Variants in DLG2 observed in about 807,000 individuals in gnomAD.
The protein encoded by DLG2 is discs large MAGUK scaffold protein 2, also known as disks large homolog 2.
Under a neutral mutation model 132.5 loss-of-function variants are expected in DLG2, and 45 were observed. That is an observed-to-expected ratio of 0.34 (90% CI 0.27 to 0.44). The LOEUF (loss-of-function observed/expected upper bound fraction) is 0.44. Among genes scored for constraint, DLG2 ranks in the 20% least tolerant of loss-of-function variants. DLG2 has a pLI of 1.00. For missense variants in DLG2, 1,045 were observed against 1,196.9 expected, an observed-to-expected ratio of 0.87 and a Z score of 1.87; for synonymous variants, 424 against 419.6, an observed-to-expected ratio of 1.01 and a Z score of -0.13.
chr11:84,752,109 G>C lies in DLG2; in HGVS notation c.358-217378C>G, dbSNP rs190789812. Among the ~76,000 whole-genome samples, 7 of 152,262 alleles carry C rather than the reference G, an allele frequency of 4.6e-5. No individual in the cohort carries two copies. In the East Asian group the frequency reaches 1.2e-3, roughly 25 times the overall value. ...AGTGAAAAGGCCATCTTATGTCGTG[G>C]AGAAAACATGGGGTTTAGAATCAGG... is the stretch of plus-strand genomic sequence containing the variant. On this transcript the variant is annotated intron_variant, in intron 6 of 27. Transcript: ENST00000376104.
At chr11:84,120,047 A>T (rs920588150) in intron 9 of DLG2, among the ~76,000 whole-genome samples, 3 of 152,174 alleles carry the variant, frequency 2.0e-5, no homozygotes, top group African/African-American at 7.2e-5. Flanking sequence ...GCCTGAACTA[A>T]TTTCAACTTC....
At position 83,496,578 on chromosome 11, in the gene DLG2, G is replaced by A. The variant is rs145749560; in HGVS notation, c.2194-12350C>T. Among the ~76,000 whole-genome samples, 279 of 152,082 alleles carry A rather than the reference G, an allele frequency of 1.8e-3. 2 individuals carry two copies. Among genetic ancestry groups the A allele is most frequent in the African/African-American group, 6.4e-3 (265 of 41,506 alleles). On this transcript the variant is annotated intron_variant, in intron 21 of 27. Coordinates refer to ENST00000376104, the MANE Select transcript of DLG2 (RefSeq NM_001142699.3). Reference sequence around the variant, plus strand: ...ATCAACAGGTAAATTAATACATTGCGGTATATTCATACAGTGAAATGCTAC... The same window carrying A: ...ATCAACAGGTAAATTAATACATTGCAGTATATTCATACAGTGAAATGCTAC...
chr11:84,957,327 T>C (rs1044461405), intron 6 of DLG2, among the ~76,000 whole-genome samples: 1 of 152,232 alleles, frequency 6.6e-6, no homozygotes, highest in African/African-American at 2.4e-5. Flanking sequence ...TGGTTATAAA[T>C]TGCTTTCATT....
chr11:85,121,532 TTAA>T (rs2074314693), intron 5 of DLG2, among the ~76,000 whole-genome samples: 1 of 152,174 alleles, frequency 6.6e-6, no homozygotes, highest in African/African-American at 2.4e-5. Flanking sequence ...TAGTTTTTGT[TTAA>T]TAAAAAGGTG....
In DLG2 at chr11:84,101,742, T is replaced by G. The variant is rs573798192; in HGVS notation, c.625-2695A>C. 3.9e-5 allele frequency among the ~76,000 whole-genome samples: 6 copies of G among 151,992 alleles called. No individual in the cohort carries two copies. In the South Asian group the frequency reaches 1.0e-3, roughly 26 times the overall value. ...CAAGCTCTAAGTACATCAACTAGAGTATATTGGTCTCACTGTAGTTAGCAT... is the reference window on the plus strand; with the variant it reads ...CAAGCTCTAAGTACATCAACTAGAGGATATTGGTCTCACTGTAGTTAGCAT... On this transcript the variant is annotated intron_variant, in intron 9 of 27. Transcript: ENST00000376104.
intron 6 of DLG2, among the ~76,000 whole-genome samples, chr11:84,759,855 C>A (rs1485598321): frequency 6.6e-6 from 1 of 151,818 alleles, no homozygotes; most frequent in Non-Finnish European, 1.5e-5. Flanking sequence ...ACATAGGGAT[C>A]CTGGTATCTT....
At chr11:84,499,039 T>C (rs940764030) in intron 7 of DLG2, among the ~76,000 whole-genome samples, 3 of 152,204 alleles carry the variant, frequency 2.0e-5, no homozygotes, top group African/African-American at 2.4e-5. Flanking sequence ...TTCTTACCTA[T>C]TGTTTAATTC....
chr11:85,064,447 C>G (rs1195993855), intron 6 of DLG2, among the ~76,000 whole-genome samples: 1 of 151,728 alleles, frequency 6.6e-6, no homozygotes, highest in Non-Finnish European at 1.5e-5. Flanking sequence ...AGCTAAAAAT[C>G]TGGAAATCAA....
intron 7 of DLG2, chr11:84,273,252 G>T (rs1472843930): frequency 6.8e-7 from 1 of 1,477,946 alleles, no homozygotes; most frequent in Non-Finnish European, 9.0e-7. Context: ...CTTGGCCGTT[G>T]CATAGCGAAA....
At chr11:84,834,797 G>GAAAA (rs5793140) in intron 6 of DLG2, among the ~76,000 whole-genome samples, 26 of 144,332 alleles carry the variant, frequency 1.8e-4, no homozygotes, top group Middle Eastern at 3.8e-3. Context: ...TCTTTTCTCA[G>GAAAA]AAAAAAAAAA....
Position 83,833,716 on chromosome 11 carries a change from A to G in DLG2, c.1620T>C (p.Ile540=). The change falls in exon 17 of 28, where the codon ATT becomes ATC. Residue 540 remains isoleucine (I), a synonymous_variant. Coordinates refer to ENST00000376104, the MANE Select transcript of DLG2 (RefSeq NM_001142699.3). ...HKGSTGLGFN[I]VGGEDGEGIF... ...TACCTTCTCCATCTTCCCCACCGAC[A>G]ATGTTGAAGCCCAGGCCAGTGGAGC... is the stretch of plus-strand genomic sequence containing the variant. 1 of 1,614,090 alleles carries G rather than the reference A, an allele frequency of 6.2e-7. No individual in the cohort carries two copies. Among genetic ancestry groups the G allele is most frequent in the Non-Finnish European group, 8.5e-7 (1 of 1,179,980 alleles).
chr11:85,596,418 G>A (rs1255868464), intron 3 of DLG2, among the ~76,000 whole-genome samples: 1 of 151,970 alleles, frequency 6.6e-6, no homozygotes, highest in Non-Finnish European at 1.5e-5. Flanking sequence ...AAAATAGAGT[G>A]ATGATTTTCA....
intron 7 of DLG2, among the ~76,000 whole-genome samples, chr11:84,432,927 G>A (rs1213122337): frequency 6.6e-6 from 1 of 152,140 alleles, no homozygotes; most frequent in East Asian, 1.9e-4. Flanking sequence ...AGGAAGCTGA[G>A]ACACGAGAAT....
At chr11:84,586,325 A>AACTCT (rs773328442) in intron 6 of DLG2, among the ~76,000 whole-genome samples, 2 of 152,160 alleles carry the variant, frequency 1.3e-5, no homozygotes, top group Non-Finnish European at 1.5e-5. Context: ...GATCTTCTTT[A>AACTCT]ACTCTAATAG....
At chr11:83,802,634 A>AAATGAATTTATTT (rs2044751421) in intron 17 of DLG2, among the ~76,000 whole-genome samples, 1 of 152,192 alleles carries the variant, frequency 6.6e-6, no homozygotes, top group Non-Finnish European at 1.5e-5. Context: ...TAAATTGATT[A>AAATGAATTTATTT]AATAGATAAT....
intron 17 of DLG2, among the ~76,000 whole-genome samples, chr11:83,827,426 T>G (rs1388064552): frequency 3.3e-5 from 5 of 152,194 alleles, no homozygotes; most frequent in Admixed American, 2.6e-4. Context: ...ATGTCAGCTG[T>G]GACTCATTTT....
At chr11:84,396,926 G>T (rs2098813000) in intron 7 of DLG2, among the ~76,000 whole-genome samples, 1 of 152,112 alleles carries the variant, frequency 6.6e-6, no homozygotes, top group African/African-American at 2.4e-5. Flanking sequence ...GGACCCAAAG[G>T]TCCTAAATTT....
intron 8 of DLG2, among the ~76,000 whole-genome samples, chr11:84,190,173 T>C (rs1014950275): frequency 1.5e-5 from 2 of 133,446 alleles, no homozygotes; most frequent in African/African-American, 5.8e-5. Flanking sequence ...AGTTAAGTAG[T>C]CAAAAAAAAA....
chr11:85,595,307 CT>C (rs1565735568), intron 3 of DLG2, among the ~76,000 whole-genome samples: 1 of 151,850 alleles, frequency 6.6e-6, no homozygotes, highest in Admixed American at 6.6e-5. Flanking sequence ...TTAATGAACA[CT>C]GATTATTATT....
Sources: gnomAD v4.1 joint callset for allele counts (sites outside exome capture counted in the v4.1 genomes callset) on GRCh38, gnomAD v4.1.1 for gene constraint, MANE v1.5 for transcripts, NCBI Gene and HGNC (gene_info 2026-07-23, HGNC 2026-07-21) for gene names.